The following GLYATL1 variants were observed in gnomAD, a reference collection of about 807,000 sequenced individuals.
GLYATL1 encodes the protein glycine-N-acyltransferase like 1, also known as glycine N-acyltransferase-like protein 1.
A neutral mutation model predicts 20.0 loss-of-function variants in GLYATL1; 15 were observed. The ratio of observed to expected loss-of-function variants is 0.75; its 90% CI spans 0.50 to 1.15. The LOEUF is 1.15. Among genes scored for constraint, GLYATL1 ranks in the 50% most tolerant of loss-of-function variants. The pLI is 0.00. For synonymous variants in GLYATL1, 151 were observed against 131.5 expected (o/e 1.15, Z -1.01); for missense variants, 380 against 368.5 (o/e 1.03, Z -0.26).
intron 1 of GLYATL1, among the ~76,000 whole-genome samples, chr11:58,928,156 T>C (rs760604820): frequency 2.6e-5 from 4 of 152,224 alleles, no homozygotes; most frequent in Admixed American, 6.5e-5. Context: ...GGTGCCTTAA[T>C]TGAGCCTGTG....
intron 1 of GLYATL1, among the ~76,000 whole-genome samples, chr11:58,915,828 G>T (rs539417517): frequency 2.0e-5 from 3 of 152,292 alleles, no homozygotes; most frequent in East Asian, 3.9e-4. Context: ...TTTTTACCAG[G>T]TCTCTGAAGC....
upstream of GLYATL1, chr11:58,934,812 G>A (rs990248945): frequency 9.2e-5 from 14 of 152,632 alleles, no homozygotes; most frequent in African/African-American, 3.4e-4. Context: ...ACCTGACTAA[G>A]GCCTAGGGCT....
chr11:58,908,749 C>G (rs919645908), downstream of GLYATL1, among the ~76,000 whole-genome samples: 3 of 152,094 alleles, frequency 2.0e-5, no homozygotes, highest in Non-Finnish European at 4.4e-5. Context: ...ATAAACATGT[C>G]TTAAGACAAC....
At chr11:58,951,691 A>T (rs182711304) in intron 4 of GLYATL1, among the ~76,000 whole-genome samples, 2 of 152,120 alleles carry the variant, frequency 1.3e-5, no homozygotes, top group East Asian at 3.9e-4. Flanking sequence ...CATCTGGTAA[A>T]ATGTTAGTGT....
intron 1 of GLYATL1, among the ~76,000 whole-genome samples, chr11:58,922,217 G>A (rs529780363): frequency 6.6e-6 from 1 of 152,252 alleles, no homozygotes; most frequent in East Asian, 1.9e-4. Flanking sequence ...TTACTCTCTG[G>A]CGCTCCTCAG....
At chr11:58,947,762 C>A in intron 3 of GLYATL1, 96 bp from the exon 4 acceptor site, 1 of 833,508 alleles carries the variant, frequency 1.2e-6, no homozygotes, top group Non-Finnish European at 2.1e-6. Flanking sequence ...GGTCTCAGTA[C>A]CTTCTCTTAA....
At chr11:58,926,921 C>T (rs970903123), upstream of GLYATL1, among the ~76,000 whole-genome samples, 1 of 152,164 alleles carries the variant, frequency 6.6e-6, no homozygotes, top group Non-Finnish European at 1.5e-5. Flanking sequence ...CAGTGACTCA[C>T]TAACTGGGGA....
chr11:58,931,806 A>G (rs1855611411), intron 1 of GLYATL1, among the ~76,000 whole-genome samples: 2 of 152,164 alleles, frequency 1.3e-5, no homozygotes, highest in Admixed American at 1.3e-4. Flanking sequence ...TACAATATTA[A>G]ATTACTTCTA....
intron 1 of GLYATL1, among the ~76,000 whole-genome samples, chr11:58,931,475 G>A (rs943524587): frequency 1.3e-5 from 2 of 152,050 alleles, no homozygotes; most frequent in African/African-American, 4.8e-5. Context: ...ACAGATCAGT[G>A]GAGAAAAAAT....
intron 2 of GLYATL1, among the ~76,000 whole-genome samples, chr11:58,944,809 TAAACTTATTTTCCATATATTATGA>T (rs1347793533): frequency 1.3e-5 from 2 of 152,076 alleles, no homozygotes; most frequent in African/African-American, 4.8e-5. Context: ...TAGTGGACAT[TAAACTTATTTTCCATATATTATGA>T]AAAATTATTT....
In GLYATL1 at chr11:58,955,908, A is replaced by G. The variant is rs1857385689; in HGVS notation, c.790A>G (p.Ile264Val). ...YLRQKNIPFYISVLEENEDSR... is the reference protein window; with the variant it reads ...YLRQKNIPFYVSVLEENEDSR... Reference sequence around the variant, plus strand: ...GCGTCAGAAGAATATTCCATTTTACATCTCTGTGTTGGAAGAAAATGAAGA... The same window carrying G: ...GCGTCAGAAGAATATTCCATTTTACGTCTCTGTGTTGGAAGAAAATGAAGA... Residue 264 changes from isoleucine (I) to valine (V), a missense_variant, in exon 7 of 7, where the codon ATC (isoleucine) becomes GTC (valine). By Grantham distance (29) the Ile-to-Val change is conservative. Coordinates refer to ENST00000532726, the MANE Select transcript of GLYATL1 (RefSeq NM_001389712.2). The G allele has an allele frequency of 6.2e-7, 1 of 1,614,150 alleles. No individual in the cohort carries two copies. The highest frequency in any genetic ancestry group is 8.5e-7 in the Non-Finnish European group (1 of 1,180,014).
intron 1 of GLYATL1, chr11:58,934,295 C>G (rs1282033110): frequency 1.3e-5 from 2 of 152,232 alleles, no homozygotes; most frequent in African/African-American, 2.4e-5. Flanking sequence ...GCAACAGGGT[C>G]TAATGAAGTC....
At chr11:58,951,921 T>C (rs963305167) in intron 4 of GLYATL1, among the ~76,000 whole-genome samples, 3 of 152,144 alleles carry the variant, frequency 2.0e-5, no homozygotes, top group Non-Finnish European at 2.9e-5. Flanking sequence ...CGAAGTCTCT[T>C]GGATTTTCTA....
intron 1 of GLYATL1, chr11:58,942,721 GAGT>G (rs1380254233): frequency 6.6e-6 from 1 of 152,202 alleles, no homozygotes; most frequent in Non-Finnish European, 1.5e-5. Flanking sequence ...GAAAAAATTT[GAGT>G]AGTAATTTAA....
At chr11:58,906,070 G>C (rs1486268247) in intron 1 of GLYATL1, among the ~76,000 whole-genome samples, 1 of 152,176 alleles carries the variant, frequency 6.6e-6, no homozygotes, top group East Asian at 1.9e-4. Context: ...GGGAGCAGCG[G>C]GCACTAGCAC....
chr11:58,950,218 G>C (rs1299040553), intron 4 of GLYATL1, among the ~76,000 whole-genome samples: 2 of 151,412 alleles, frequency 1.3e-5, no homozygotes, highest in Admixed American at 1.3e-4. Context: ...GTGAAACCGG[G>C]AGGCGGAGCT....
At chr11:58,921,640 C>A (rs1855311317) in intron 1 of GLYATL1, among the ~76,000 whole-genome samples, 1 of 152,198 alleles carries the variant, frequency 6.6e-6, no homozygotes, top group African/African-American at 2.4e-5. Flanking sequence ...CCTTTCCAGA[C>A]CAGCCTCTTC....
chr11:58,911,884 G>A (rs1015993894), downstream of GLYATL1, among the ~76,000 whole-genome samples: 1 of 152,160 alleles, frequency 6.6e-6, no homozygotes. Flanking sequence ...TTACATCAGA[G>A]AACTCTGCTA....
At chr11:58,951,947 A>G (rs1857025582) in intron 4 of GLYATL1, among the ~76,000 whole-genome samples, 1 of 152,014 alleles carries the variant, frequency 6.6e-6, no homozygotes, top group South Asian at 2.1e-4. Flanking sequence ...GTAATACTGT[A>G]ATCTACAAAC....
Sources: allele counts gnomAD v4.1 joint callset (sites outside exome capture counted in the v4.1 genomes callset), GRCh38; gene constraint gnomAD v4.1.1; transcripts MANE v1.5; gene names NCBI Gene and HGNC (gene_info 2026-07-23, HGNC 2026-07-21).